The following FAT3 variants were observed in gnomAD, a reference collection of about 807,000 sequenced individuals.
FAT3 encodes protocadherin Fat 3.
FAT3 carries 95 observed loss-of-function variants against 310.2 expected under a neutral mutation model. The ratio of observed to expected loss-of-function variants is 0.31; its 90% CI spans 0.26 to 0.36. The LOEUF is 0.36. FAT3 is among the 10% of genes least tolerant of loss of function. FAT3 has a pLI of 1.00. For synonymous variants in FAT3, 2,314 were observed against 2,192.9 expected (o/e 1.06, Z -1.54); for missense variants, 5,408 against 5,715.6 (o/e 0.95, Z 1.74).
At chr11:92,490,202 G>A (rs1307115733) in intron 2 of FAT3, among the ~76,000 whole-genome samples, 1 of 152,106 alleles carries the variant, frequency 6.6e-6, no homozygotes, top group Non-Finnish European at 1.5e-5. Context: ...CTTATATGCA[G>A]CTAATGATGA....
At chr11:92,254,689 C>A (rs140060356) in intron 1 of FAT3, among the ~76,000 whole-genome samples, 2 of 151,968 alleles carry the variant, frequency 1.3e-5, no homozygotes, top group East Asian at 3.9e-4. Context: ...GGGTTGGTAG[C>A]CATCTTTCAT....
chr11:92,768,440 G>A (rs145702576), intron 6 of FAT3, among the ~76,000 whole-genome samples: 15 of 152,280 alleles, frequency 9.9e-5, no homozygotes, highest in African/African-American at 3.4e-4. Context: ...TATGGTCCAC[G>A]TTCCACCAAA....
intron 2 of FAT3, among the ~76,000 whole-genome samples, chr11:92,503,829 A>G (rs866998778): frequency 6.6e-6 from 1 of 152,146 alleles, no homozygotes; most frequent in African/African-American, 2.4e-5. Context: ...TCTTGTGGTA[A>G]TACAAAGTTC....
intron 2 of FAT3, among the ~76,000 whole-genome samples, chr11:92,404,112 A>G (rs1164938988): frequency 6.6e-6 from 1 of 152,126 alleles, no homozygotes; most frequent in African/African-American, 2.4e-5. Flanking sequence ...GAGAAAAACA[A>G]CTACAGGTTT....
chr11:92,233,601 A>G (rs756116922), intron 1 of FAT3, among the ~76,000 whole-genome samples: 5 of 152,210 alleles, frequency 3.3e-5, no homozygotes, highest in African/African-American at 4.8e-5. Context: ...ATCCTAAGTC[A>G]GTAAGATGGT....
chr11:92,712,834 A>G (rs1194376413), intron 4 of FAT3, among the ~76,000 whole-genome samples: 1 of 152,228 alleles, frequency 6.6e-6, no homozygotes, highest in Non-Finnish European at 1.5e-5. Flanking sequence ...TAACACAAAT[A>G]TTTCTGAACC....
chr11:92,693,378 C>T (rs1943849800), intron 3 of FAT3, among the ~76,000 whole-genome samples: 2 of 152,204 alleles, frequency 1.3e-5, no homozygotes, highest in Non-Finnish European at 2.9e-5. Context: ...GCACACACCT[C>T]TCTCGTATAG....
At chr11:92,449,545 G>C (rs1951302415) in intron 2 of FAT3, among the ~76,000 whole-genome samples, 1 of 152,166 alleles carries the variant, frequency 6.6e-6, no homozygotes, top group East Asian at 1.9e-4. Flanking sequence ...AATGGGTCAA[G>C]TGTTGGGGAG....
chr11:92,656,859 T>C (rs184296947), intron 3 of FAT3, among the ~76,000 whole-genome samples: 3 of 152,294 alleles, frequency 2.0e-5, no homozygotes, highest in Admixed American at 6.5e-5. Context: ...CTTCATAAAA[T>C]GTCTTTTACC....
At chr11:92,275,073 T>G (rs1178856626) in intron 1 of FAT3, among the ~76,000 whole-genome samples, 2 of 152,116 alleles carry the variant, frequency 1.3e-5, no homozygotes, top group Non-Finnish European at 2.9e-5. Flanking sequence ...AACAGGGAAC[T>G]TCTGTTGTAG....
intron 1 of FAT3, among the ~76,000 whole-genome samples, chr11:92,301,536 T>C (rs722266): frequency 0.84 from 127,913 of 152,066 alleles, 53,973 homozygotes; most frequent in African/African-American, 0.9. Context: ...TTTGATTATC[T>C]TTTTCTATGT....
In FAT3 at chr11:92,806,512, AGTG is replaced by A; in HGVS notation, c.9247_9247+2del. The A allele has an allele frequency of 1.9e-6, 3 of 1,541,154 alleles. No individual in the cohort carries two copies. The highest frequency in any genetic ancestry group is 2.6e-6 in the Non-Finnish European group (3 of 1,141,220). On this transcript the variant is annotated inframe_deletion and splice_region_variant, in exon 12 of 28. Coordinates refer to ENST00000525166, the MANE Select transcript of FAT3 (RefSeq NM_001367949.2). ...CAGTGAATTTTTTCTAGATCCAGAAAGTGGTAAGCTAAAATTTATTATTGAGAT... is the reference window on the plus strand; with the variant it reads ...CAGTGAATTTTTTCTAGATCCAGAAAGTAAGCTAAAATTTATTATTGAGAT...
At chr11:92,371,835 C>G (rs1280140607) in intron 2 of FAT3, among the ~76,000 whole-genome samples, 1 of 152,102 alleles carries the variant, frequency 6.6e-6, no homozygotes, top group African/African-American at 2.4e-5. Flanking sequence ...ATTGTCAAGG[C>G]CCAGGTTCCC....
intron 17 of FAT3, among the ~76,000 whole-genome samples, chr11:92,838,882 C>T (rs1565638738): frequency 6.6e-6 from 1 of 152,170 alleles, no homozygotes; most frequent in Non-Finnish European, 1.5e-5. Context: ...CCTTTGTCAG[C>T]GAAATCTGAT....
intron 2 of FAT3, among the ~76,000 whole-genome samples, chr11:92,374,843 GT>G (rs35238771): frequency 0.05 from 5,928 of 117,984 alleles, 147 homozygotes; most frequent in Middle Eastern, 0.075. Flanking sequence ...TCTTACAGCA[GT>G]TTTTTTTTTT....
intron 2 of FAT3, among the ~76,000 whole-genome samples, chr11:92,506,903 T>G (rs1293756597): frequency 6.6e-6 from 1 of 152,194 alleles, no homozygotes; most frequent in East Asian, 1.9e-4. Flanking sequence ...AAAGGCAGCA[T>G]GGTGACAACA....
At chr11:92,704,736 A>G (rs1473990643) in intron 4 of FAT3, among the ~76,000 whole-genome samples, 3 of 152,174 alleles carry the variant, frequency 2.0e-5, no homozygotes, top group African/African-American at 7.2e-5. Context: ...AGAACTGTGA[A>G]AAAACAAATT....
chr11:92,374,554 A>G (rs916716565), intron 2 of FAT3, among the ~76,000 whole-genome samples: 3 of 152,216 alleles, frequency 2.0e-5, no homozygotes, highest in South Asian at 2.1e-4. Context: ...AACTCTGATA[A>G]CTACTCTTTG....
rs187948311 is a variant in FAT3, at chr11:92,895,530, G to A, written c.*4417G>A. 3.7e-4 allele frequency: 57 copies of A among 152,282 alleles called. No homozygotes were observed. In the East Asian group the frequency reaches 3.9e-3, roughly 10 times the overall value. The allele number at this position is 152,282 out of a possible 1,614,324, so 9.4% of individuals were successfully genotyped here. Reference sequence around the variant, plus strand: ...AGTGTTTAGAATGCACTTGAGAATCGTAGAGTCATTTGGAGCGTGTTTGGA... The same window carrying A: ...AGTGTTTAGAATGCACTTGAGAATCATAGAGTCATTTGGAGCGTGTTTGGA... On this transcript the variant is annotated 3_prime_UTR_variant, in exon 28 of 28. Coordinates refer to ENST00000525166, the MANE Select transcript of FAT3 (RefSeq NM_001367949.2).
Sources: allele counts gnomAD v4.1 joint callset (sites outside exome capture counted in the v4.1 genomes callset), GRCh38; gene constraint gnomAD v4.1.1; transcripts MANE v1.5; gene names NCBI Gene and HGNC (gene_info 2026-07-23, HGNC 2026-07-21).